IL31RA: variants seen among roughly 807,000 people sequenced by gnomAD.
The protein encoded by IL31RA is interleukin 31 receptor A.
In IL31RA, 66 loss-of-function variants were observed where a neutral mutation model predicts 83.7. That is an observed-to-expected ratio of 0.79 (90% CI 0.65 to 0.97). The LOEUF is 0.97. Ranked by LOEUF, IL31RA falls within the 50% of genes least tolerant of loss-of-function variation. IL31RA has a pLI of 0.00. For missense variants in IL31RA, 798 were observed against 919.4 expected (o/e 0.87, Z 1.71); for synonymous variants, 325 against 329.0 (o/e 0.99, Z 0.13).
chr5:55,858,404 A>G (rs572506359), intron 1 of IL31RA, among the ~76,000 whole-genome samples: 7 of 152,282 alleles, frequency 4.6e-5, no homozygotes, highest in African/African-American at 1.7e-4. Context: ...TGTTATAGTT[A>G]TTTTTAAAGA....
intron 2 of IL31RA, among the ~76,000 whole-genome samples, chr5:55,863,124 G>T (rs1168761065): frequency 2.0e-5 from 3 of 152,224 alleles, no homozygotes; most frequent in Admixed American, 2.0e-4. Flanking sequence ...AATCTAGAAA[G>T]TAGAAGTGAA....
the IL31RA span, among the ~76,000 whole-genome samples, chr5:55,841,627 C>A: frequency 1.8e-3 from 270 of 152,260 alleles, no homozygotes; most frequent in African/African-American, 6.4e-3. Context: ...TCTTTTCTCG[C>A]ATGTCTAAAA....
rs1218559137 is a variant in IL31RA at position 55,906,220 on chromosome 5, T to C, written c.1184T>C (p.Val395Ala). 6.2e-7 allele frequency: 1 copy of C among 1,614,216 alleles called. No homozygotes were observed. The highest frequency in any genetic ancestry group is 8.5e-7 in the Non-Finnish European group (1 of 1,180,042). Reference protein sequence around the residue: ...NTWMIEWFPDVDSEPTTLSWE... With the variant: ...NTWMIEWFPDADSEPTTLSWE... ...TGGATGATTGAATGGTTTCCGGATG[T>C]GGACTCAGAGCCCACCACCCTTTCC... The change falls in exon 9 of 15, where the codon GTG becomes GCG. Residue 395 changes from valine to alanine, a missense_variant. Physicochemically the swap from Val to Ala is moderately conservative, Grantham distance 64. Coordinates refer to ENST00000652347, the MANE Select transcript of IL31RA (RefSeq NM_139017.7).
chr5:55,882,929 C>T (rs1483640098), intron 4 of IL31RA, 115 bp from the exon 5 acceptor site: 7 of 952,616 alleles, frequency 7.3e-6, no homozygotes, highest in Admixed American at 7.3e-5. Context: ...ATGCCATCTT[C>T]GTTCCATATA....
intron 2 of IL31RA, among the ~76,000 whole-genome samples, chr5:55,862,473 A>G (rs925888495): frequency 6.6e-6 from 1 of 152,094 alleles, no homozygotes; most frequent in Non-Finnish European, 1.5e-5. Context: ...CAGTGGTGCA[A>G]TCTCAGCTCA....
upstream of IL31RA, among the ~76,000 whole-genome samples, chr5:55,851,026 T>C (rs566991483): frequency 6.7e-6 from 1 of 149,316 alleles, no homozygotes; most frequent in African/African-American, 2.5e-5. Flanking sequence ...ACCCGGGAGG[T>C]GGAGGTTGCG....
the IL31RA span, among the ~76,000 whole-genome samples, chr5:55,840,430 C>T: frequency 2.6e-5 from 4 of 152,006 alleles, no homozygotes; most frequent in Non-Finnish European, 4.4e-5. Context: ...AGGTTAGTAA[C>T]GTAAGGTTTG....
the IL31RA span, among the ~76,000 whole-genome samples, chr5:55,845,032 C>G: frequency 6.6e-6 from 1 of 152,206 alleles, no homozygotes; most frequent in Non-Finnish European, 1.5e-5. Context: ...TTTTTCCACT[C>G]ACCCTTAGCA....
At chr5:55,895,139 A>AT (rs1748253207) in intron 6 of IL31RA, among the ~76,000 whole-genome samples, 1 of 152,202 alleles carries the variant, frequency 6.6e-6, no homozygotes, top group Non-Finnish European at 1.5e-5. Context: ...TGTGGACCTA[A>AT]TTACATTATC....
Position 55,916,893 on chromosome 5 carries a change from C to G in IL31RA, c.2068C>G (p.Pro690Ala). The G allele has an allele frequency of 1.4e-5, 23 of 1,614,088 alleles. No homozygotes were observed. Among genetic ancestry groups the G allele is most frequent in the Non-Finnish European group, 1.7e-5 (20 of 1,179,976 alleles). Residue 690 changes from proline (P) to alanine (A), a missense_variant, in exon 15 of 15, where the codon CCA becomes GCA. Coordinates refer to ENST00000652347, the MANE Select transcript of IL31RA (RefSeq NM_139017.7). Reference protein sequence around the residue: ...CPLGKSFEELPVSPEIPPRKS... With the variant: ...CPLGKSFEELAVSPEIPPRKS... ...CCTGGGGAAAAGTTTTGAGGAGCTCCCAGTTTCACCTGAGATTCCGCCCAG... is the reference window on the plus strand; with the variant it reads ...CCTGGGGAAAAGTTTTGAGGAGCTCGCAGTTTCACCTGAGATTCCGCCCAG...
chr5:55,853,773 T>A (rs577465577), intron 1 of IL31RA, among the ~76,000 whole-genome samples: 1 of 152,146 alleles, frequency 6.6e-6, no homozygotes, highest in African/African-American at 2.4e-5. Context: ...ATCATGAGTG[T>A]TAGAGGTGAA....
chr5:55,889,076 C>T (rs1747819814), intron 5 of IL31RA, among the ~76,000 whole-genome samples: 1 of 151,984 alleles, frequency 6.6e-6, no homozygotes, highest in East Asian at 1.9e-4. Flanking sequence ...TATTAATCAG[C>T]TCAAAATAAG....
Position 55,913,561 on chromosome 5 carries a change from A to T in IL31RA, c.1727A>T (p.Lys576Ile), listed in dbSNP as rs144761314. ...ATCCTGACAGTGGCATATGGTCTCA[A>T]AAAACCCAAGTGAGTCTGCAGACAA... is the stretch of plus-strand genomic sequence containing the variant. ...LIILTVAYGLKKPNKLTHLCW... is the reference protein window; with the variant it reads ...LIILTVAYGLIKPNKLTHLCW... Residue 576 changes from lysine to isoleucine, a missense_variant, in exon 13 of 15, where the codon AAA becomes ATA. Lys to Ile is a moderately radical substitution (Grantham distance 102). Transcript: ENST00000652347. 3.4e-5 allele frequency: 55 copies of T among 1,609,508 alleles called. No homozygotes were observed. Among genetic ancestry groups the T allele is most frequent in the Non-Finnish European group, 4.7e-5 (55 of 1,175,864 alleles).
At chr5:55,872,746 A>G (rs151260177) in intron 4 of IL31RA, among the ~76,000 whole-genome samples, 4,152 of 152,234 alleles carry the variant, frequency 0.027, 72 homozygotes, top group Middle Eastern at 0.061. Flanking sequence ...CAAAGAAACA[A>G]AAAGGTCTCT....
chr5:55,859,482 C>A, intron 1 of IL31RA, 27 bp from the exon 2 acceptor site: 1 of 1,556,376 alleles, frequency 6.4e-7, no homozygotes, highest in Non-Finnish European at 8.9e-7. Context: ...ATGAAGCAAA[C>A]CAACTCTTGA....
intron 13 of IL31RA, among the ~76,000 whole-genome samples, chr5:55,914,241 A>T (rs548278366): frequency 6.6e-6 from 1 of 152,224 alleles, no homozygotes; most frequent in Non-Finnish European, 1.5e-5. Flanking sequence ...GGTCAAGCTA[A>T]TATCAACCTC....
chr5:55,915,413 T>TA (rs1727893138), intron 14 of IL31RA, among the ~76,000 whole-genome samples: 1 of 152,250 alleles, frequency 6.6e-6, no homozygotes. Context: ...AGTCAGGCTT[T>TA]ATTTAACTGG....
chr5:55,906,715 G>A (rs766528826), intron 9 of IL31RA, among the ~76,000 whole-genome samples: 10 of 152,138 alleles, frequency 6.6e-5, no homozygotes, highest in East Asian at 1.9e-4. Context: ...CCTGCCCTAC[G>A]TAAGATATGC....
At position 55,887,811 on chromosome 5, in the gene IL31RA, G is replaced by A. The variant is rs192249009; in HGVS notation, c.607-2159G>A. ...GAGGCAGGAGAATGGCATGAACCCAGGAGGTGGAGCTTGCAGTGAGCCGAG... is the reference window on the plus strand; with the variant it reads ...GAGGCAGGAGAATGGCATGAACCCAAGAGGTGGAGCTTGCAGTGAGCCGAG... On this transcript the variant is annotated intron_variant, in intron 5 of 14. Transcript: ENST00000652347. 7.1e-3 allele frequency among the ~76,000 whole-genome samples: 1,080 copies of A among 152,060 alleles called. 12 individuals carry two copies. Among genetic ancestry groups the A allele is most frequent in the African/African-American group, 0.025 (1,034 of 41,444 alleles).
Sources: gnomAD v4.1 joint callset for allele counts (sites outside exome capture counted in the v4.1 genomes callset) on GRCh38, gnomAD v4.1.1 for gene constraint, MANE v1.5 for transcripts, NCBI Gene and HGNC (gene_info 2026-07-23, HGNC 2026-07-21) for gene names.